The following JAKMIP3 variants were observed in gnomAD, a reference collection of about 807,000 sequenced individuals.
The protein encoded by JAKMIP3 is Janus kinase and microtubule interacting protein 3.
Under a neutral mutation model 118.5 loss-of-function variants are expected in JAKMIP3, and 58 were observed. The observed-to-expected ratio is 0.49, with a 90% CI of 0.40 to 0.61. The LOEUF (loss-of-function observed/expected upper bound fraction) is 0.61, where lower values mean the gene tolerates loss of function less well. Among genes scored for constraint, JAKMIP3 ranks in the 20% least tolerant of loss-of-function variants. The probability of loss-of-function intolerance (pLI) is 0.00; values close to 1 mark genes in which losing one functional copy is unlikely to be tolerated. For missense variants in JAKMIP3, 950 were observed against 1,109.0 expected (o/e 0.86, Z 2.04); for synonymous variants, 486 against 451.2 (o/e 1.08, Z -0.98).
In JAKMIP3 at chr10:132,132,807, G is replaced by A. The variant is rs558862105; in HGVS notation, c.634-505G>A. Among the ~76,000 whole-genome samples, 20 of 152,340 alleles carry A rather than the reference G, an allele frequency of 1.3e-4. No individual in the cohort carries two copies. In the South Asian group the frequency reaches 3.5e-3, roughly 27 times the overall value. On this transcript the variant is annotated intron_variant, in intron 3 of 23. Coordinates refer to ENST00000684848, the MANE Select transcript of JAKMIP3 (RefSeq NM_001323087.2). ...CCCTGGGGAGTGGGCCTGGGCTGGG[G>A]AAGGGGTAGCACTGGCTTTCAGGCC... is the stretch of plus-strand genomic sequence containing the variant.
chr10:132,178,379 C>G (rs1048423977), intron 23 of JAKMIP3, among the ~76,000 whole-genome samples: 21 of 152,232 alleles, frequency 1.4e-4, no homozygotes, highest in Admixed American at 5.9e-4. Context: ...GGAGGAGGCA[C>G]AGCCTGTGTC....
chr10:132,105,133 G>C (rs1345844786), intron 2 of JAKMIP3, among the ~76,000 whole-genome samples, 190 bp downstream of exon 2: 1 of 152,194 alleles, frequency 6.6e-6, no homozygotes, highest in Non-Finnish European at 1.5e-5. Flanking sequence ...GGGCCTGTAG[G>C]CACAGGTGCC....
intron 1 of JAKMIP3, among the ~76,000 whole-genome samples, chr10:132,037,318 C>T (rs1364394321): frequency 6.6e-6 from 1 of 152,160 alleles, no homozygotes; most frequent in African/African-American, 2.4e-5. Context: ...TCCCTCCTGC[C>T]CCCGTCTGAG....
intron 10 of JAKMIP3, among the ~76,000 whole-genome samples, 196 bp downstream of exon 10, chr10:132,140,775 G>A (rs952431944): frequency 2.6e-5 from 4 of 152,192 alleles, no homozygotes; most frequent in African/African-American, 7.2e-5. Context: ...ACTCGGGCAC[G>A]GTGAGAAGCT....
chr10:132,140,849 C>T (rs2053372488), intron 10 of JAKMIP3, among the ~76,000 whole-genome samples: 1 of 152,214 alleles, frequency 6.6e-6, no homozygotes, highest in Non-Finnish European at 1.5e-5. Context: ...CCAAACCATG[C>T]CTCCTTCTGC....
At chr10:132,068,990 C>T (rs1020033407) in intron 1 of JAKMIP3, among the ~76,000 whole-genome samples, 3 of 152,198 alleles carry the variant, frequency 2.0e-5, no homozygotes, top group African/African-American at 7.2e-5. Flanking sequence ...GGAGGATTTG[C>T]AGACCTTACT....
intron 3 of JAKMIP3, among the ~76,000 whole-genome samples, chr10:132,125,866 A>G (rs905651525): frequency 6.6e-6 from 1 of 152,182 alleles, no homozygotes; most frequent in African/African-American, 2.4e-5. Flanking sequence ...TAATTCTAAC[A>G]GCTTGTTTGT....
chr10:132,178,160 C>A (rs996810263), intron 23 of JAKMIP3, among the ~76,000 whole-genome samples: 2 of 152,236 alleles, frequency 1.3e-5, no homozygotes, highest in Non-Finnish European at 1.5e-5. Flanking sequence ...AGGAGGGTGA[C>A]CCAGAGCAGA....
Position 132,139,369 on chromosome 10 carries a change from CGT to C in JAKMIP3, c.1345-1076_1345-1075del, listed in dbSNP as rs980676771. On this transcript the variant is annotated intron_variant, in intron 9 of 23. Transcript: ENST00000684848. ...ACATGTGAGTGTATATGCGTCTGTA[CGT>C]GTGTGAGTATGTGAGTGTATGAGTA... Among the ~76,000 whole-genome samples, 13 of 76,844 alleles carry C rather than the reference CGT, an allele frequency of 1.7e-4. 2 individuals are homozygous for C. Among genetic ancestry groups the C allele is most frequent in the Admixed American group, 6.8e-4 (5 of 7,310 alleles). 50.4% of individuals were successfully genotyped at this position (76,844 alleles called of 152,430 possible). A position where few individuals can be genotyped will look rare whatever the true frequency, so the allele number is the denominator to read the frequency against.
At chr10:132,137,526 C>A (rs1026234054) in intron 8 of JAKMIP3, among the ~76,000 whole-genome samples, 2 of 152,198 alleles carry the variant, frequency 1.3e-5, no homozygotes, top group African/African-American at 2.4e-5. Flanking sequence ...TGAGACAGCA[C>A]CAGCTTGGGA....
chr10:132,086,019 C>T (rs1589777665), intron 1 of JAKMIP3, among the ~76,000 whole-genome samples: 1 of 152,076 alleles, frequency 6.6e-6, no homozygotes, highest in African/African-American at 2.4e-5. Context: ...ATGAACTTTC[C>T]TCTTAGCACT....
intron 23 of JAKMIP3, among the ~76,000 whole-genome samples, chr10:132,172,482 A>C (rs2059588771): frequency 6.6e-6 from 1 of 152,026 alleles, no homozygotes; most frequent in South Asian, 2.1e-4. Context: ...TCTTCCCTGC[A>C]GCATGTCTTC....
intron 13 of JAKMIP3, among the ~76,000 whole-genome samples, chr10:132,145,943 C>T (rs2054516075): frequency 6.6e-6 from 1 of 152,216 alleles, no homozygotes; most frequent in South Asian, 2.1e-4. Flanking sequence ...CCTGGGAAGC[C>T]TGGCTGGGTC....
chr10:132,063,020 C>T (rs1014544012), upstream of JAKMIP3, among the ~76,000 whole-genome samples: 2 of 152,124 alleles, frequency 1.3e-5, no homozygotes, highest in African/African-American at 4.8e-5. Context: ...GAGAGGCCCC[C>T]GAGGAATTGT....
At position 132,101,774 on chromosome 10, in the gene JAKMIP3, G is replaced by A. The variant is rs112385168; in HGVS notation, c.-137-2898G>A. ...TGAGGACTTGAATGGAGGTGGGAAC[G>A]TGTTATTGGAAGTGGGAAAGAACAC... is the stretch of plus-strand genomic sequence containing the variant. On this transcript the variant is annotated intron_variant, in intron 1 of 23. Transcript: ENST00000684848. Among the ~76,000 whole-genome samples the A allele has an allele frequency of 8.6e-3, 1,306 of 152,220 alleles. 19 individuals are homozygous for A. Among genetic ancestry groups the A allele is most frequent in the African/African-American group, 0.029 (1,204 of 41,540 alleles).
upstream of JAKMIP3, among the ~76,000 whole-genome samples, chr10:132,064,509 T>A (rs965289296): frequency 2.0e-5 from 3 of 152,168 alleles, no homozygotes; most frequent in Non-Finnish European, 4.4e-5. The surrounding 1 kb of genome is among the most constrained non-coding windows in gnomAD (Gnocchi z 4.4). Flanking sequence ...CGACCCACCG[T>A]TCCGGGTCTG....
At chr10:132,138,218 GGTGTGTGCGGAGAGGACCACGCCCGC>G (rs775497105) in intron 9 of JAKMIP3, 40 bp downstream of exon 9, 19 of 1,553,168 alleles carry the variant, frequency 1.2e-5, no homozygotes, top group Non-Finnish European at 1.6e-5. Flanking sequence ...GAGTACGCCG[GGTGTGTGCGGAGAGGACCACGCCCGC>G]GTGTGTGGAG....
chr10:132,150,829 A>T (rs1410604869), intron 16 of JAKMIP3, among the ~76,000 whole-genome samples: 1 of 152,006 alleles, frequency 6.6e-6, no homozygotes, highest in African/African-American at 2.4e-5. Context: ...TCTGTCCTCC[A>T]CAATTCATTT....
At chr10:132,060,697 T>C (rs2038367731), upstream of JAKMIP3, among the ~76,000 whole-genome samples, 1 of 152,128 alleles carries the variant, frequency 6.6e-6, no homozygotes, top group African/African-American at 2.4e-5. Flanking sequence ...AACAAAAATA[T>C]CATTCACAAA....
Sources: gnomAD v4.1 joint callset for allele counts (sites outside exome capture counted in the v4.1 genomes callset) on GRCh38, gnomAD v4.1.1 for gene constraint, Gnocchi (gnomAD v3.1) non-coding constraint, MANE v1.5 for transcripts, NCBI Gene and HGNC (gene_info 2026-07-23, HGNC 2026-07-21) for gene names.